Variants in AGTPBP1 observed in about 807,000 individuals in gnomAD.
AGTPBP1 encodes ATP/GTP binding carboxypeptidase 1, also known as cytosolic carboxypeptidase 1.
In AGTPBP1, 70 loss-of-function variants were observed where a neutral mutation model predicts 143.9. That is an observed-to-expected ratio of 0.49 (90% CI 0.40 to 0.59). The LOEUF (loss-of-function observed/expected upper bound fraction) is 0.59, where lower values mean the gene tolerates loss of function less well. Ranked by LOEUF, AGTPBP1 falls within the 20% of genes least tolerant of loss-of-function variation. The probability of loss-of-function intolerance (pLI) is 0.00; values close to 1 mark genes in which losing one functional copy is unlikely to be tolerated. For missense variants in AGTPBP1, 1,229 were observed against 1,464.5 expected (o/e 0.84, Z 2.62); for synonymous variants, 463 against 500.2 (o/e 0.93, Z 0.99).
chr9:85,782,093 A>G, the AGTPBP1 span, among the ~76,000 whole-genome samples: 1 of 152,252 alleles, frequency 6.6e-6, no homozygotes, highest in African/African-American at 2.4e-5. Flanking sequence ...TGACTTTAAA[A>G]TCTTTTAGGC....
intron 2 of AGTPBP1, among the ~76,000 whole-genome samples, chr9:85,703,612 T>C (rs1587938556): frequency 6.6e-6 from 1 of 152,114 alleles, no homozygotes; most frequent in Admixed American, 6.5e-5. Flanking sequence ...TGAGTCAGAG[T>C]AACACTAGAG....
In AGTPBP1 at chr9:85,588,470, G is replaced by A. The variant is rs751107608; in HGVS notation, c.2731C>T (p.Pro911Ser). Residue 911 changes from proline to serine, a missense_variant, in exon 21 of 26, where the codon CCT (proline) becomes TCT (serine). By Grantham distance (74) the Pro-to-Ser change is moderately conservative. Coordinates refer to ENST00000357081, the MANE Select transcript of AGTPBP1 (RefSeq NM_001330701.2). ...ACCCGAGCAGACAAGAAAACGTAAG[G>A]GCGATTTCCTAAAGTACACATAAAA... ...YEHICHFRNR[P>S]YVFLSARVHP... 6.2e-7 allele frequency: 1 copy of A among 1,609,928 alleles called. No individual in the cohort carries two copies. Among genetic ancestry groups the A allele is most frequent in the Admixed American group, 1.7e-5 (1 of 59,002 alleles).
In AGTPBP1 at chr9:85,575,381, T is replaced by C. The variant is rs752619137; in HGVS notation, c.3437A>G (p.Tyr1146Cys). 2.0e-5 allele frequency: 32 copies of C among 1,609,456 alleles called. No homozygotes were observed. In the East Asian group the frequency reaches 6.1e-4, roughly 31 times the overall value. Residue 1146 changes from tyrosine to cysteine, a missense_variant, in exon 25 of 26, where the codon TAT becomes TGT. Tyr to Cys is a radical substitution (Grantham distance 194). Around this residue, in one of 2 missense-constraint regions of AGTPBP1, gnomAD observed 486 missense variants for 652.3 expected, o/e 0.75. Coordinates refer to ENST00000357081, the MANE Select transcript of AGTPBP1 (RefSeq NM_001330701.2). ...RLKRLTSPLE[Y>C]NLPSSLLDFE... Reference sequence around the variant, plus strand: ...GTCAAGCAGGCTGGAAGGCAGATTATACTCCAATGGAGAGGTCAGTCTTTT... The same window carrying C: ...GTCAAGCAGGCTGGAAGGCAGATTACACTCCAATGGAGAGGTCAGTCTTTT...
At chr9:85,781,871 A>G in the AGTPBP1 span, among the ~76,000 whole-genome samples, 1 of 152,198 alleles carries the variant, frequency 6.6e-6, no homozygotes, top group Non-Finnish European at 1.5e-5. Flanking sequence ...GCATTCCTAA[A>G]TGAAATAACA....
At chr9:85,779,033 C>T in the AGTPBP1 span, among the ~76,000 whole-genome samples, 8 of 151,910 alleles carry the variant, frequency 5.3e-5, no homozygotes, top group African/African-American at 1.9e-4. Context: ...ATTTTTGGGT[C>T]TAATCAGATT....
chr9:85,730,264 T>G (rs1210683650), intron 1 of AGTPBP1, among the ~76,000 whole-genome samples: 2 of 152,248 alleles, frequency 1.3e-5, no homozygotes, highest in African/African-American at 4.8e-5. Context: ...GTGCCAGATA[T>G]TGATTTATTG....
the AGTPBP1 span, among the ~76,000 whole-genome samples, chr9:85,750,989 C>T: frequency 6.6e-6 from 1 of 152,216 alleles, no homozygotes; most frequent in Non-Finnish European, 1.5e-5. Flanking sequence ...AGGAGTCCAA[C>T]TGGGGTCTCT....
At chr9:85,625,942 A>T (rs1831263147) in intron 14 of AGTPBP1, among the ~76,000 whole-genome samples, 1 of 149,580 alleles carries the variant, frequency 6.7e-6, no homozygotes, top group Non-Finnish European at 1.5e-5. Flanking sequence ...ATGAAAAAAC[A>T]ATGGAAAGAA....
chr9:85,602,148 CGA>C (rs1389553976), intron 17 of AGTPBP1, among the ~76,000 whole-genome samples: 2 of 151,822 alleles, frequency 1.3e-5, no homozygotes, highest in Non-Finnish European at 2.9e-5. Flanking sequence ...CAGATTCCAA[CGA>C]GAAAGAAATA....
chr9:85,800,807 TTGTGTGTGTGTG>T, the AGTPBP1 span, among the ~76,000 whole-genome samples: 12 of 144,686 alleles, frequency 8.3e-5, no homozygotes, highest in Admixed American at 2.1e-4. Context: ...TTTAGAATGG[TTGTGTGTGTGTG>T]TGTGTGTGTG....
intron 25 of AGTPBP1, among the ~76,000 whole-genome samples, chr9:85,568,508 C>T (rs1827252129): frequency 6.6e-6 from 1 of 152,118 alleles, no homozygotes; most frequent in Non-Finnish European, 1.5e-5. Flanking sequence ...GTGACTTACG[C>T]TGGACCTCAG....
intron 11 of AGTPBP1, among the ~76,000 whole-genome samples, chr9:85,650,535 T>C (rs998868506): frequency 6.6e-6 from 1 of 152,224 alleles, no homozygotes; most frequent in South Asian, 2.1e-4. Context: ...ATTAACTGTT[T>C]ATGTTATCAG....
the AGTPBP1 span, among the ~76,000 whole-genome samples, chr9:85,760,859 C>T: frequency 6.6e-6 from 1 of 152,120 alleles, no homozygotes; most frequent in Non-Finnish European, 1.5e-5. Flanking sequence ...GATTGTATAT[C>T]TAGAAAACCC....
chr9:85,727,220 G>A (rs546108326), intron 1 of AGTPBP1, among the ~76,000 whole-genome samples: 2 of 152,038 alleles, frequency 1.3e-5, no homozygotes, highest in Non-Finnish European at 2.9e-5. Flanking sequence ...CCAGCTACTC[G>A]GGAGGCTGAG....
intron 1 of AGTPBP1, among the ~76,000 whole-genome samples, chr9:85,738,097 T>C (rs1221553059): frequency 6.6e-6 from 1 of 152,252 alleles, no homozygotes; most frequent in Non-Finnish European, 1.5e-5. Context: ...AGGGTGTTTA[T>C]ATTAACATGT....
intron 25 of AGTPBP1, among the ~76,000 whole-genome samples, chr9:85,571,445 T>C (rs1827456178): frequency 6.6e-6 from 1 of 152,188 alleles, no homozygotes; most frequent in Non-Finnish European, 1.5e-5. Flanking sequence ...ACAATGGCAG[T>C]AATAGATTAA....
At chr9:85,601,171 A>G (rs1829644442) in intron 17 of AGTPBP1, among the ~76,000 whole-genome samples, 1 of 152,160 alleles carries the variant, frequency 6.6e-6, no homozygotes, top group Non-Finnish European at 1.5e-5. Context: ...TGCCACTGAT[A>G]GCTGCATAGC....
chr9:85,710,957 T>C (rs1837326490), intron 2 of AGTPBP1, among the ~76,000 whole-genome samples: 1 of 152,106 alleles, frequency 6.6e-6, no homozygotes, highest in Admixed American at 6.6e-5. Flanking sequence ...CACAAGTACG[T>C]GACTAAAATC....
chr9:85,763,049 T>C, the AGTPBP1 span, among the ~76,000 whole-genome samples: 1 of 151,852 alleles, frequency 6.6e-6, no homozygotes, highest in Admixed American at 6.6e-5. Context: ...CTTTCCTCAT[T>C]AGAAGTTTAA....
Sources: gnomAD v4.1 joint callset for allele counts (sites outside exome capture counted in the v4.1 genomes callset) on GRCh38, gnomAD v4.1.1 for gene constraint, gnomAD v4.1.1 regional missense constraint, MANE v1.5 for transcripts, NCBI Gene and HGNC (gene_info 2026-07-23, HGNC 2026-07-21) for gene names.